The following FCRL2 variants were observed in gnomAD, a reference collection of about 807,000 sequenced individuals.
FCRL2 encodes the protein Fc receptor like 2, also known as Fc receptor-like protein 2.
Under a neutral mutation model 59.8 loss-of-function variants are expected in FCRL2, and 48 were observed. The observed-to-expected ratio is 0.80, with a 90% CI of 0.64 to 1.02. FCRL2 has a LOEUF of 1.02. Ranked by LOEUF, FCRL2 falls within the 50% of genes least tolerant of loss-of-function variation. FCRL2 has a pLI of 0.00. For synonymous variants in FCRL2, 251 were observed against 229.5 expected (o/e 1.09, Z -0.85); for missense variants, 658 against 597.3 (o/e 1.10, Z -1.06).
chr1:157,760,950 A>T lies in FCRL2; in HGVS notation c.1279+5905T>A, dbSNP rs145974172. On this transcript the variant is annotated intron_variant, in intron 7 of 11. Coordinates refer to ENST00000361516, the MANE Select transcript of FCRL2 (RefSeq NM_030764.4). Reference sequence around the variant, plus strand: ...CACATGTACCTCTTGAACCTAAAATAAACGTTGGAAGTAAAAAATAAAATA... The same window carrying T: ...CACATGTACCTCTTGAACCTAAAATTAACGTTGGAAGTAAAAAATAAAATA... Among the ~76,000 whole-genome samples the T allele has an allele frequency of 1.7e-3, 265 of 152,302 alleles. 1 individual carries two copies. Among genetic ancestry groups the T allele is most frequent in the African/African-American group, 6.2e-3 (258 of 41,566 alleles).
intron 6 of FCRL2, 32 bp from the exon 7 acceptor site, chr1:157,767,003 A>G (rs371790323): frequency 3.2e-5 from 51 of 1,578,664 alleles, no homozygotes; most frequent in Non-Finnish European, 4.2e-5. Flanking sequence ...TCAGCCCCAG[A>G]GGTTTAAGAC....
chr1:157,773,462 G>A (rs1287070430), intron 2 of FCRL2, among the ~76,000 whole-genome samples: 1 of 152,174 alleles, frequency 6.6e-6, no homozygotes, highest in Non-Finnish European at 1.5e-5. Flanking sequence ...CTGTGAGATG[G>A]GGTGGACTCG....
chr1:157,772,084 A>G (rs1650065706), intron 2 of FCRL2, among the ~76,000 whole-genome samples: 1 of 151,384 alleles, frequency 6.6e-6, no homozygotes, highest in African/African-American at 2.4e-5. Flanking sequence ...AGAAACAATT[A>G]ACTTAATTCA....
intron 7 of FCRL2, among the ~76,000 whole-genome samples, chr1:157,752,603 G>A (rs866692648): frequency 6.6e-6 from 1 of 152,208 alleles, no homozygotes; most frequent in Non-Finnish European, 1.5e-5. Flanking sequence ...GTGTGAATGG[G>A]CAGTAGGAAG....
chr1:157,756,679 G>GAA (rs5778046), intron 7 of FCRL2, among the ~76,000 whole-genome samples: 114 of 133,670 alleles, frequency 8.5e-4, no homozygotes, highest in Middle Eastern at 4.0e-3. Flanking sequence ...ACTTTGTCTG[G>GAA]AAAAAAAAAA....
Position 157,767,215 on chromosome 1 carries a change from G to A in FCRL2, c.1162+16C>T, listed in dbSNP as rs184560125. 4.1e-5 allele frequency: 65 copies of A among 1,603,864 alleles called. No homozygotes were observed. The African/African-American group carries it at 8.4e-4, about 21-fold the overall frequency. On this transcript the variant is annotated intron_variant, in intron 6 of 11. Transcript: ENST00000361516. ...CCATTGACATCAAACTCTGTATCCA[G>A]GTAACACCCACCCACCTGAGATGGA... is the stretch of plus-strand genomic sequence containing the variant.
At chr1:157,749,709 G>A in intron 7 of FCRL2, 32 bp from the exon 8 acceptor site, 1 of 1,593,152 alleles carries the variant, frequency 6.3e-7, no homozygotes, top group Non-Finnish European at 8.6e-7. Flanking sequence ...ATTCATTTCA[G>A]AGAAGGAAGC....
In FCRL2 at chr1:157,746,855, A is replaced by C. The variant is rs768372759; in HGVS notation, c.1488+16T>G. 6.2e-7 allele frequency: 1 copy of C among 1,613,968 alleles called. No homozygotes were observed. ...AAGGAAGGAAAGATGAAGAAATTCC[A>C]AGGTGTCTAGCTCACCTTGTTCTCC... On this transcript the variant is annotated intron_variant, in intron 11 of 11. Transcript: ENST00000361516.
At chr1:157,766,363 C>T (rs920146722) in intron 7 of FCRL2, among the ~76,000 whole-genome samples, 17 of 151,800 alleles carry the variant, frequency 1.1e-4, no homozygotes, top group East Asian at 1.9e-4. Context: ...CCCAGCTACT[C>T]GGGAGGTTGA....
At chr1:157,774,320 T>A in intron 2 of FCRL2, 5 of 390,950 alleles carry the variant, frequency 1.3e-5, no homozygotes, top group South Asian at 9.4e-5. Context: ...GAGCCAAGAC[T>A]GGGGTTCAGA....
intron 2 of FCRL2, among the ~76,000 whole-genome samples, chr1:157,773,787 G>A (rs1259554907): frequency 6.6e-6 from 1 of 152,136 alleles, no homozygotes; most frequent in Non-Finnish European, 1.5e-5. Context: ...TAGAAGGGGA[G>A]GGCAACAAGT....
chr1:157,746,919 A>C lies in FCRL2; in HGVS notation c.1460-20T>G. 1 of 1,611,446 alleles carries C rather than the reference A, an allele frequency of 6.2e-7. No individual in the cohort carries two copies. Among genetic ancestry groups the C allele is most frequent in the South Asian group, 1.1e-5 (1 of 91,056 alleles). On this transcript the variant is annotated intron_variant, in intron 10 of 11. Coordinates refer to ENST00000361516, the MANE Select transcript of FCRL2 (RefSeq NM_030764.4). ...TGTTTGCTGTTAAGGAAAAAGTAAT[A>C]GTTCTGAGCTCTTGCATTCTTAATT...
chr1:157,767,727 T>C, intron 5 of FCRL2: 3 of 1,522,710 alleles, frequency 2.0e-6, no homozygotes. Flanking sequence ...GACACGGTCA[T>C]CTGTTGTTCT....
Position 157,775,805 on chromosome 1 carries a change from G to T in FCRL2, c.32-10C>A. The T allele has an allele frequency of 1.9e-6, 3 of 1,613,804 alleles. No individual in the cohort carries two copies. The highest frequency in any genetic ancestry group is 2.5e-6 in the Non-Finnish European group (3 of 1,179,854). On this transcript the variant is annotated splice_polypyrimidine_tract_variant and intron_variant, in intron 1 of 11. Transcript: ENST00000361516. ...TGTTCAGTGACTGCATCTGTGAGGA[G>T]ATCAAAAGCCAGAGATTAGCACACA...
intron 1 of FCRL2, among the ~76,000 whole-genome samples, chr1:157,776,321 G>T (rs9427314): frequency 6.6e-6 from 1 of 152,142 alleles, no homozygotes; most frequent in African/African-American, 2.4e-5. Context: ...CCAGGCTGGA[G>T]TACAATGGTG....
intron 2 of FCRL2, among the ~76,000 whole-genome samples, chr1:157,774,961 A>C (rs543131271): frequency 1.3e-5 from 2 of 152,320 alleles, no homozygotes; most frequent in African/African-American, 4.8e-5. Context: ...TGTATATAGA[A>C]TAAAATATTT....
intron 7 of FCRL2, among the ~76,000 whole-genome samples, chr1:157,764,939 A>T (rs1267785094): frequency 6.6e-6 from 1 of 152,178 alleles, no homozygotes; most frequent in Admixed American, 6.5e-5. Flanking sequence ...AACTAAATTA[A>T]AAATTAGCAA....
At chr1:157,765,199 A>T (rs1406704010) in intron 7 of FCRL2, among the ~76,000 whole-genome samples, 1 of 152,216 alleles carries the variant, frequency 6.6e-6, no homozygotes, top group East Asian at 1.9e-4. Flanking sequence ...TCTACAGGAG[A>T]TGGATAAATT....
At chr1:157,757,889 G>C (rs1041814764) in intron 7 of FCRL2, among the ~76,000 whole-genome samples, 1 of 152,222 alleles carries the variant, frequency 6.6e-6, no homozygotes, top group Admixed American at 6.5e-5. Context: ...GTGAACCCAG[G>C]AGGCAGAGCT....
Sources: allele counts gnomAD v4.1 joint callset (sites outside exome capture counted in the v4.1 genomes callset), GRCh38; gene constraint gnomAD v4.1.1; transcripts MANE v1.5; gene names NCBI Gene and HGNC (gene_info 2026-07-23, HGNC 2026-07-21).